The following YARS1 variants were observed in gnomAD, a reference collection of about 807,000 sequenced individuals.
YARS1 encodes the protein tyrosine--tRNA ligase, cytoplasmic.
Under a neutral mutation model 62.2 loss-of-function variants are expected in YARS1, and 36 were observed. The ratio of observed to expected loss-of-function variants is 0.58; its 90% CI spans 0.44 to 0.76. The LOEUF (loss-of-function observed/expected upper bound fraction) is 0.76, where lower values mean the gene tolerates loss of function less well. Ranked by LOEUF, YARS1 falls within the 30% of genes least tolerant of loss-of-function variation. The probability of loss-of-function intolerance (pLI) is 0.00; values close to 1 mark genes in which losing one functional copy is unlikely to be tolerated. For synonymous variants in YARS1, 234 were observed against 244.9 expected (o/e 0.96, Z 0.42); for missense variants, 524 against 639.8 (o/e 0.82, Z 1.95).
chr1:32,798,024 C>G (rs543556941), intron 4 of YARS1, 181 bp from the exon 5 acceptor site: 1 of 579,148 alleles, frequency 1.7e-6, no homozygotes, highest in Admixed American at 2.8e-5. Context: ...ACATGCACCA[C>G]CACGCCCGGC....
intron 4 of YARS1, among the ~76,000 whole-genome samples, chr1:32,803,927 G>C (rs940146493): frequency 6.6e-6 from 1 of 152,134 alleles, no homozygotes; most frequent in Non-Finnish European, 1.5e-5. Flanking sequence ...TTGAGATTAG[G>C]GAGTGGTGAT....
intron 4 of YARS1, among the ~76,000 whole-genome samples, chr1:32,801,029 T>A (rs1638277510): frequency 6.6e-6 from 1 of 152,202 alleles, no homozygotes; most frequent in African/African-American, 2.4e-5. Context: ...TTATTTCCTT[T>A]ATTAAGATTA....
intron 1 of YARS1, 44 bp downstream of exon 1, chr1:32,817,144 G>A: frequency 6.2e-7 from 1 of 1,611,502 alleles, no homozygotes; most frequent in Non-Finnish European, 8.5e-7. Flanking sequence ...CTGAACCTCG[G>A]GCTCCTAATC....
intron 4 of YARS1, among the ~76,000 whole-genome samples, chr1:32,801,658 G>C (rs1372683803): frequency 6.6e-6 from 1 of 152,182 alleles, no homozygotes; most frequent in Non-Finnish European, 1.5e-5. Context: ...AGGTGATGCT[G>C]TTTGATAGCA....
At chr1:32,797,117 A>G (rs1653629529) in intron 5 of YARS1, among the ~76,000 whole-genome samples, 1 of 143,034 alleles carries the variant, frequency 7.0e-6, no homozygotes, top group Admixed American at 7.0e-5. Context: ...CTCACCTATA[A>G]TCCCAGCACT....
At chr1:32,805,218 G>T (rs1569766099) in intron 4 of YARS1, among the ~76,000 whole-genome samples, 2 of 115,940 alleles carry the variant, frequency 1.7e-5, no homozygotes, top group South Asian at 7.7e-4. Context: ...GGAGACGGTG[G>T]AAAGGGGAGA....
chr1:32,780,993 A>C, intron 10 of YARS1, 55 bp downstream of exon 10: 1 of 1,552,662 alleles, frequency 6.4e-7, no homozygotes, highest in Non-Finnish European at 8.9e-7. Context: ...TCCGGATGGA[A>C]ACAGACAAAC....
At position 32,782,419 on chromosome 1, in the gene YARS1, C is replaced by T; in HGVS notation, c.1027G>A (p.Asp343Asn). 5 of 1,613,982 alleles carry T rather than the reference C, an allele frequency of 3.1e-6. No homozygotes were observed. Among genetic ancestry groups the T allele is most frequent in the South Asian group, 1.1e-5 (1 of 91,068 alleles). Residue 343 changes from aspartate (D) to asparagine (N), a missense_variant, in exon 9 of 13, where the codon GAT (aspartate) becomes AAT (asparagine). Physicochemically the swap from Asp to Asn is conservative, Grantham distance 23. Transcript: ENST00000373477. ...CTGGCCTTACTCTGCTTTGAGGGAT[C>T]TGGGTAGGCAGCGCTGGCCAGTTTT... Reference protein sequence around the residue: ...LKKLASAAYPDPSKQKPMAKG... With the variant: ...LKKLASAAYPNPSKQKPMAKG...
chr1:32,810,951 G>A lies in YARS1; in HGVS notation c.164C>T (p.Pro55Leu). ...TGKPHVAYFV[P>L]MSKIADFLKA... is the part of the protein sequence containing the mutation. The stretch of plus-strand genomic sequence containing the variant: ...TAAGAAGTCTGCAATCTTTGACATG[G>A]GCACAAAGTAAGCCACATGTGGTTT... The change falls in exon 2 of 13, where the codon CCC (proline) becomes CTC (leucine). Residue 55 changes from proline to leucine, a missense_variant. By Grantham distance (98) the Pro-to-Leu change is moderately conservative. Transcript: ENST00000373477. The A allele has an allele frequency of 6.2e-7, 1 of 1,614,038 alleles. No homozygotes were observed. The highest frequency in any genetic ancestry group is 1.7e-5 in the Admixed American group (1 of 60,006).
intron 1 of YARS1, among the ~76,000 whole-genome samples, chr1:32,814,737 T>C (rs72880571): frequency 0.01 from 1,555 of 152,330 alleles, 29 homozygotes; most frequent in African/African-American, 0.036. Flanking sequence ...CTTTTAAAAC[T>C]CAAAAACTTC....
intron 1 of YARS1, among the ~76,000 whole-genome samples, chr1:32,815,913 C>T (rs921293772): frequency 5.3e-5 from 8 of 151,834 alleles, no homozygotes; most frequent in East Asian, 1.9e-4. Context: ...ATCGAGACCA[C>T]CCTGGCTAAC....
chr1:32,799,205 T>C (rs558591752), intron 4 of YARS1, among the ~76,000 whole-genome samples: 3 of 152,274 alleles, frequency 2.0e-5, no homozygotes, highest in East Asian at 3.9e-4. Flanking sequence ...TAGGGAAATT[T>C]TGAGTGATTC....
intron 12 of YARS1, among the ~76,000 whole-genome samples, chr1:32,778,534 G>A (rs1652941767): frequency 6.6e-6 from 1 of 151,662 alleles, no homozygotes; most frequent in African/African-American, 2.4e-5. Flanking sequence ...AGCCTCCTGA[G>A]TAGCTGGGAC....
At chr1:32,803,984 C>T (rs970695026) in intron 4 of YARS1, among the ~76,000 whole-genome samples, 1 of 152,200 alleles carries the variant, frequency 6.6e-6, no homozygotes, top group African/African-American at 2.4e-5. Context: ...TAACAAAGCA[C>T]ATCTTGCACC....
intron 1 of YARS1, among the ~76,000 whole-genome samples, chr1:32,812,505 T>C (rs1638608417): frequency 6.6e-6 from 1 of 152,248 alleles, no homozygotes; most frequent in South Asian, 2.1e-4. Flanking sequence ...TGACATATTT[T>C]GAAATGGCCC....
chr1:32,806,415 A>G (rs1342920645), intron 4 of YARS1, 67 bp downstream of exon 4: 40 of 1,611,794 alleles, frequency 2.5e-5, no homozygotes, highest in Middle Eastern at 2.1e-4. Flanking sequence ...GCAAAGTGCA[A>G]TAAGATATGC....
At chr1:32,784,749 T>C (rs763117824) in intron 8 of YARS1, among the ~76,000 whole-genome samples, 1 of 152,150 alleles carries the variant, frequency 6.6e-6, no homozygotes, top group Non-Finnish European at 1.5e-5. Context: ...TACACACATA[T>C]GTTAAAAAAC....
rs538775617 is a variant in YARS1 at position 32,786,031 on chromosome 1, G to T, written c.906+331C>A. ...TGTACATCCTAAAGGGACCACTCGTGTGTATAAGATTACAGACATTTACTG... is the reference window on the plus strand; with the variant it reads ...TGTACATCCTAAAGGGACCACTCGTTTGTATAAGATTACAGACATTTACTG... On this transcript the variant is annotated intron_variant, in intron 8 of 12. Transcript: ENST00000373477. Among the ~76,000 whole-genome samples, 40 of 152,184 alleles carry T rather than the reference G, an allele frequency of 2.6e-4. No individual in the cohort carries two copies. In the Middle Eastern group the frequency reaches 0.01, roughly 39 times the overall value.
At chr1:32,807,744 AG>A (rs912404480) in intron 3 of YARS1, among the ~76,000 whole-genome samples, 9 of 152,056 alleles carry the variant, frequency 5.9e-5, no homozygotes, top group African/African-American at 2.2e-4. Flanking sequence ...AAGCCACAGT[AG>A]CGGGCTTGTT....
Sources: allele counts gnomAD v4.1 joint callset (sites outside exome capture counted in the v4.1 genomes callset), GRCh38; gene constraint gnomAD v4.1.1; transcripts MANE v1.5; gene names NCBI Gene and HGNC (gene_info 2026-07-23, HGNC 2026-07-21).